Variants in ENOSF1 observed in about 807,000 individuals in gnomAD.
ENOSF1 encodes the protein enolase superfamily member 1.
A neutral mutation model predicts 68.2 loss-of-function variants in ENOSF1; 73 were observed. That is an observed-to-expected ratio of 1.07 (90% CI 0.89 to 1.30). The LOEUF is 1.30. Among genes scored for constraint, ENOSF1 ranks in the 50% most tolerant of loss-of-function variants. The probability of loss-of-function intolerance (pLI) is 0.00; values close to 1 mark genes in which losing one functional copy is unlikely to be tolerated. For synonymous variants in ENOSF1, 223 were observed against 210.4 expected, an observed-to-expected ratio of 1.06 and a Z score of -0.52; for missense variants, 589 against 554.5, an observed-to-expected ratio of 1.06 and a Z score of -0.62.
At position 706,470 on chromosome 18, in the gene ENOSF1, C is replaced by T. The variant is rs2078945248; in HGVS notation, c.193G>A (p.Val65Ile). 1 of 1,605,476 alleles carries T rather than the reference C, an allele frequency of 6.2e-7. No individual in the cohort carries two copies. Residue 65 changes from valine (V) to isoleucine (I), a missense_variant and splice_region_variant, in exon 2 of 16, where the codon GTT (valine) becomes ATT (isoleucine). Val to Ile is a conservative substitution (Grantham distance 29). Transcript: ENST00000647584. ...TFTLGKGTEV[V>I]VCAVNALAHH... ...AACCTCGAGAGAATCTTCAACTCAC[C>T]AACTTCAGTGCCTTTTCCCAGAGTG...
At chr18:668,872 A>G (rs1026121788), downstream of ENOSF1, among the ~76,000 whole-genome samples, 7 of 152,144 alleles carry the variant, frequency 4.6e-5, no homozygotes, top group Admixed American at 2.6e-4. Flanking sequence ...AGGGCTCCAG[A>G]GGACAGAGCC....
At chr18:693,362 C>G in intron 5 of ENOSF1, 1 of 1,188,150 alleles carries the variant, frequency 8.4e-7, no homozygotes, top group South Asian at 1.6e-5. Flanking sequence ...TGCTCTGTCA[C>G]CTGAGTGCAG....
In ENOSF1 at chr18:671,351, C is replaced by T. The variant is rs779270127; in HGVS notation, c.*2954G>A. 2.1e-6 allele frequency: 3 copies of T among 1,429,304 alleles called. No individual in the cohort carries two copies. Among genetic ancestry groups the T allele is most frequent in the Non-Finnish European group, 3.0e-6 (3 of 1,011,712 alleles). 88.5% of individuals were successfully genotyped at this position (1,429,304 alleles called of 1,614,324 possible). On this transcript the variant is annotated 3_prime_UTR_variant, in exon 16 of 16. Transcript: ENST00000647584. ...GTTTTAAAGAATTGAAACTAACATA[C>T]TGTTCTGCTTTCTCCCCCGGGTTTA...
intron 13 of ENOSF1, 141 bp from the exon 14 acceptor site, chr18:677,585 A>G: frequency 1.6e-6 from 2 of 1,285,358 alleles, no homozygotes; most frequent in Non-Finnish European, 2.1e-6. Context: ...CAAGATGAAA[A>G]TCATCAAAAA....
Position 672,661 on chromosome 18 carries a change from T to A in ENOSF1, c.*1644A>T. ...GCTGTGTAATGTCACAAAATACCCC[T>A]CACTCTCGATCTGTGCAAGAGAACA... On this transcript the variant is annotated 3_prime_UTR_variant, in exon 16 of 16. Coordinates refer to ENST00000647584, the MANE Select transcript of ENOSF1 (RefSeq NM_017512.7). 2.3e-6 allele frequency: 1 copy of A among 441,494 alleles called. No homozygotes were observed. Among genetic ancestry groups the A allele is most frequent in the East Asian group, 3.3e-5 (1 of 30,166 alleles). The allele number at this position is 441,494 out of a possible 1,614,324, so 27.3% of individuals were successfully genotyped here.
chr18:692,897 C>T (rs2077346622), intron 5 of ENOSF1: 1 of 1,130,936 alleles, frequency 8.8e-7, no homozygotes, highest in African/African-American at 1.6e-5. Flanking sequence ...GGAGCAGTCT[C>T]CTGCCCAACA....
chr18:692,623 A>G (rs2077306797), intron 5 of ENOSF1: 12 of 812,220 alleles, frequency 1.5e-5, no homozygotes, highest in Non-Finnish European at 1.6e-5. Flanking sequence ...AAGAAAGAAA[A>G]AAAGAAAAAA....
chr18:673,191 TTTGAG>T lies in ENOSF1; in HGVS notation c.*1109_*1113del, dbSNP rs2075147278. The T allele has an allele frequency of 2.0e-6, 1 of 508,520 alleles. No individual in the cohort carries two copies. The highest frequency in any genetic ancestry group is 3.3e-6 in the Non-Finnish European group (1 of 307,028). The allele number at this position is 508,520 out of a possible 1,614,324, so 31.5% of individuals were successfully genotyped here. ...GCCAGTTCTTTCCATAATAAAAGGCTTTGAGTTAACTCACTGAGGGTATCTGACAA... is the reference window on the plus strand; with the variant it reads ...GCCAGTTCTTTCCATAATAAAAGGCTTTAACTCACTGAGGGTATCTGACAA... On this transcript the variant is annotated 3_prime_UTR_variant, in exon 16 of 16. Coordinates refer to ENST00000647584, the MANE Select transcript of ENOSF1 (RefSeq NM_017512.7).
chr18:667,626 T>C (rs1459666316), downstream of ENOSF1: 1 of 149,564 alleles, frequency 6.7e-6, no homozygotes, highest in African/African-American at 2.5e-5. Context: ...TGGGTGATGG[T>C]GATGGTTGCC....
chr18:680,037 C>A (rs2075915897), intron 11 of ENOSF1, among the ~76,000 whole-genome samples: 1 of 152,212 alleles, frequency 6.6e-6, no homozygotes, highest in Non-Finnish European at 1.5e-5. Flanking sequence ...TCCTGGATCA[C>A]AAAGCTAGAA....
chr18:666,909 T>A (rs35338895), downstream of ENOSF1, among the ~76,000 whole-genome samples: 13,181 of 40,620 alleles, frequency 0.32, 2,119 homozygotes, highest in South Asian at 0.43. Flanking sequence ...ATGGAGATGG[T>A]GATGGTGATG....
chr18:696,662 G>A (rs1812854386), intron 3 of ENOSF1, among the ~76,000 whole-genome samples: 1 of 152,120 alleles, frequency 6.6e-6, no homozygotes, highest in African/African-American at 2.4e-5. Context: ...CAAATCTCAG[G>A]ACCTCATCTC....
At chr18:706,042 T>C (rs1349923194) in intron 2 of ENOSF1, among the ~76,000 whole-genome samples, 1 of 151,642 alleles carries the variant, frequency 6.6e-6, no homozygotes, top group Non-Finnish European at 1.5e-5. Flanking sequence ...GAAAAGCGAG[T>C]AGACGTGCTG....
chr18:672,806 A>T lies in ENOSF1; in HGVS notation c.*1499T>A, dbSNP rs911043193. ...TACTTGTTTCACGGACATGAGGAGC[A>T]ATTACAACAGGTCGTACAATTATGG... is the stretch of plus-strand genomic sequence containing the variant. On this transcript the variant is annotated 3_prime_UTR_variant, in exon 16 of 16. Transcript: ENST00000647584. 1 of 1,519,260 alleles carries T rather than the reference A, an allele frequency of 6.6e-7. No homozygotes were observed. Among genetic ancestry groups the T allele is most frequent in the Non-Finnish European group, 8.9e-7 (1 of 1,118,194 alleles). 94.1% of individuals were successfully genotyped at this position (1,519,260 alleles called of 1,614,324 possible).
At chr18:710,673 A>G (rs1353772188) in intron 1 of ENOSF1, among the ~76,000 whole-genome samples, 2 of 152,212 alleles carry the variant, frequency 1.3e-5, no homozygotes, top group Admixed American at 6.5e-5. Flanking sequence ...TGCCTGGCCT[A>G]TAGCCAACTT....
In ENOSF1 at chr18:709,737, C is replaced by T. The variant is rs563686836; in HGVS notation, c.84+2767G>A. Reference sequence around the variant, plus strand: ...AGTGAGATGAGATTGCACCACTGCACTCCAGGCTGGGCAACAAGCGAGACT... The same window carrying T: ...AGTGAGATGAGATTGCACCACTGCATTCCAGGCTGGGCAACAAGCGAGACT... On this transcript the variant is annotated intron_variant, in intron 1 of 15. Coordinates refer to ENST00000647584, the MANE Select transcript of ENOSF1 (RefSeq NM_017512.7). 2.8e-4 allele frequency among the ~76,000 whole-genome samples: 42 copies of T among 152,042 alleles called. 1 individual carries two copies. Among genetic ancestry groups the T allele is most frequent in the Admixed American group, 2.2e-3 (33 of 15,274 alleles).
At chr18:702,243 A>G (rs2145345366) in intron 2 of ENOSF1, among the ~76,000 whole-genome samples, 1 of 134,852 alleles carries the variant, frequency 7.4e-6, no homozygotes, top group East Asian at 2.3e-4. Context: ...CAGCCTGGGC[A>G]ACAAGAGCGA....
rs1172388961 is a variant in ENOSF1 at position 670,985 on chromosome 18, G to T, written c.*3320C>A. ...TGATTAGCTTTTAAATTTGATATGT[G>T]TAAGTAAGAAATGAACCAGCTTTTA... On this transcript the variant is annotated 3_prime_UTR_variant, in exon 16 of 16. Transcript: ENST00000647584. 2 of 1,269,662 alleles carry T rather than the reference G, an allele frequency of 1.6e-6. No homozygotes were observed. The highest frequency in any genetic ancestry group is 2.2e-6 in the Non-Finnish European group (2 of 928,278). The allele number at this position is 1,269,662 out of a possible 1,614,324, so 78.6% of individuals were successfully genotyped here.
chr18:707,412 T>C (rs189863936), intron 1 of ENOSF1, among the ~76,000 whole-genome samples: 7 of 152,304 alleles, frequency 4.6e-5, no homozygotes, highest in African/African-American at 1.7e-4. Flanking sequence ...CAGCTTCAAA[T>C]TGAACAAGCC....
Sources: gnomAD v4.1 joint callset for allele counts (sites outside exome capture counted in the v4.1 genomes callset) on GRCh38, gnomAD v4.1.1 for gene constraint, MANE v1.5 for transcripts, NCBI Gene and HGNC (gene_info 2026-07-23, HGNC 2026-07-21) for gene names.